Variants in MIPOL1 observed in about 807,000 individuals in gnomAD.
MIPOL1 encodes mirror-image polydactyly 1, also known as mirror-image polydactyly gene 1 protein.
In MIPOL1, 57 loss-of-function variants were observed where a neutral mutation model predicts 60.9. That is an observed-to-expected ratio of 0.94 (90% confidence interval 0.76 to 1.17). The LOEUF is 1.17. Ranked by LOEUF, MIPOL1 falls within the 50% of genes most tolerant of loss-of-function variation. The probability of loss-of-function intolerance (pLI) is 0.00; values close to 1 mark genes in which losing one functional copy is unlikely to be tolerated. For synonymous variants in MIPOL1, 179 were observed against 168.8 expected (o/e 1.06, Z -0.47); for missense variants, 551 against 511.6 (o/e 1.08, Z -0.74).
At chr14:37,361,010 T>TA (rs2092201576) in intron 9 of MIPOL1, among the ~76,000 whole-genome samples, 1 of 152,238 alleles carries the variant, frequency 6.6e-6, no homozygotes, top group South Asian at 2.1e-4. Flanking sequence ...GAGATTCTGT[T>TA]ACGTTGTATC....
chr14:37,238,801 A>AT lies in MIPOL1; in HGVS notation c.-198-8302_-198-8301insT, dbSNP rs1313434147. Among the ~76,000 whole-genome samples the AT allele has an allele frequency of 1.5e-3, 219 of 150,024 alleles. 3 individuals carry two copies. The highest frequency in any genetic ancestry group is 1.9e-3 in the Non-Finnish European group (126 of 67,572). ...CCCACTTCTACAAAAAAAAAAAAAA[A>AT]AAATTAGATGGGTGTGACGGCTCAT... On this transcript the variant is annotated intron_variant, in intron 1 of 12. Coordinates refer to ENST00000684589, the MANE Select transcript of MIPOL1 (RefSeq NM_001388067.1).
rs74045604 is a variant in MIPOL1 at position 37,307,717 on chromosome 14, A to T, written c.624-339A>T. Among the ~76,000 whole-genome samples, 1,326 of 152,196 alleles carry T rather than the reference A, an allele frequency of 8.7e-3. 15 individuals are homozygous for T. Among genetic ancestry groups the T allele is most frequent in the African/African-American group, 0.031 (1,268 of 41,562 alleles). On this transcript the variant is annotated intron_variant, in intron 7 of 12. Coordinates refer to ENST00000684589, the MANE Select transcript of MIPOL1 (RefSeq NM_001388067.1). Reference sequence around the variant, plus strand: ...AAAAAGAGAGGAAATACAGTTTCTGATAAAAATGGAAAGTCCAGGAATAAA... The same window carrying T: ...AAAAAGAGAGGAAATACAGTTTCTGTTAAAAATGGAAAGTCCAGGAATAAA...
intron 1 of MIPOL1, among the ~76,000 whole-genome samples, chr14:37,230,846 GATAATAAT>G (rs79665502): frequency 3.7e-4 from 56 of 152,110 alleles, no homozygotes; most frequent in Non-Finnish European, 8.1e-4. Context: ...CAGCCGATGA[GATAATAAT>G]ATTAAACTTA....
chr14:37,412,213 G>A, intron 10 of MIPOL1, among the ~76,000 whole-genome samples: 1 of 152,086 alleles, frequency 6.6e-6, no homozygotes, highest in Middle Eastern at 3.2e-3. Flanking sequence ...TGTTTTAATT[G>A]TGACATAATA....
Position 37,544,333 on chromosome 14 carries a change from G to A in MIPOL1, c.1263-2572G>A, listed in dbSNP as rs141308295. Among the ~76,000 whole-genome samples, 210 of 152,318 alleles carry A rather than the reference G, an allele frequency of 1.4e-3. 1 individual carries two copies. The highest frequency in any genetic ancestry group is 2.4e-3 in the Non-Finnish European group (160 of 68,024). On this transcript the variant is annotated intron_variant, in intron 12 of 12. Transcript: ENST00000684589. ...GCAAACCCTAGGTGCAGCATTTTTA[G>A]TGACTTTGTCTCCTCCTCCTCACAA...
chr14:37,320,438 A>G (rs1166449231), intron 9 of MIPOL1, among the ~76,000 whole-genome samples: 2 of 151,902 alleles, frequency 1.3e-5, no homozygotes, highest in South Asian at 4.1e-4. Flanking sequence ...TTTTTTGACC[A>G]TTTTGATATC....
At chr14:37,393,737 G>C (rs1022521348) in intron 10 of MIPOL1, among the ~76,000 whole-genome samples, 1 of 151,062 alleles carries the variant, frequency 6.6e-6, no homozygotes, top group Non-Finnish European at 1.5e-5. Flanking sequence ...GGTACAGGTG[G>C]TATTTGGTTA....
At chr14:37,211,855 T>C (rs1469132848) in intron 1 of MIPOL1, among the ~76,000 whole-genome samples, 5 of 151,694 alleles carry the variant, frequency 3.3e-5, no homozygotes, top group South Asian at 2.1e-4. Context: ...GGGAGGACTT[T>C]ATCTTGCATC....
chr14:37,529,400 G>C (rs1042638144), intron 12 of MIPOL1, among the ~76,000 whole-genome samples: 3 of 152,112 alleles, frequency 2.0e-5, no homozygotes, highest in African/African-American at 4.8e-5. Context: ...TTATACTGCT[G>C]GTTTTGAGTT....
intron 10 of MIPOL1, among the ~76,000 whole-genome samples, chr14:37,420,138 C>T (rs146890822): frequency 6.7e-5 from 10 of 149,684 alleles, no homozygotes; most frequent in African/African-American, 1.7e-4. Flanking sequence ...GTGTATAAAG[C>T]GCTATCAATT....
At chr14:37,505,813 T>A (rs2095270318) in intron 12 of MIPOL1, 1 of 152,186 alleles carries the variant, frequency 6.6e-6, no homozygotes, top group South Asian at 2.1e-4. Context: ...GGAAGTCAAA[T>A]TGTCCCTGTT....
At chr14:37,518,633 C>T (rs374192912) in intron 12 of MIPOL1, among the ~76,000 whole-genome samples, 3 of 152,138 alleles carry the variant, frequency 2.0e-5, no homozygotes, top group South Asian at 4.1e-4. Context: ...CCGCAACTGG[C>T]GTGATTTTAA....
chr14:37,492,734 A>T (rs113085605), intron 11 of MIPOL1, among the ~76,000 whole-genome samples: 5 of 151,672 alleles, frequency 3.3e-5, no homozygotes, highest in Non-Finnish European at 7.4e-5. Context: ...TCAACCCAAC[A>T]TCTCTTCATC....
At chr14:37,453,818 C>T (rs534881805) in intron 11 of MIPOL1, among the ~76,000 whole-genome samples, 1 of 152,156 alleles carries the variant, frequency 6.6e-6, no homozygotes, top group Non-Finnish European at 1.5e-5. Context: ...TTTGCAGATG[C>T]ATTCTTTTAT....
rs556180384 is a variant in MIPOL1, at chr14:37,298,147, C to T, written c.624-9909C>T. ...AATAGAGCCCTCAGAAATAATGCCGCATATCTACAACTATCTGATCTTTGA... is the reference window on the plus strand; with the variant it reads ...AATAGAGCCCTCAGAAATAATGCCGTATATCTACAACTATCTGATCTTTGA... On this transcript the variant is annotated intron_variant, in intron 7 of 12. Transcript: ENST00000684589. 3.0e-3 allele frequency among the ~76,000 whole-genome samples: 456 copies of T among 152,248 alleles called. 4 individuals are homozygous for T. The highest frequency in any genetic ancestry group is 0.01 in the African/African-American group (427 of 41,532).
In MIPOL1 at chr14:37,393,686, T is replaced by C. The variant is rs190258277; in HGVS notation, c.936+24062T>C. Among the ~76,000 whole-genome samples the C allele has an allele frequency of 5.9e-3, 900 of 151,920 alleles. 6 individuals are homozygous for C. Among genetic ancestry groups the C allele is most frequent in the Non-Finnish European group, 9.3e-3 (630 of 67,940 alleles). Reference sequence around the variant, plus strand: ...GGCAGGCCAACCTTTTATTTATTTATTTACTTATTTATTTATTTTAATTTT... The same window carrying C: ...GGCAGGCCAACCTTTTATTTATTTACTTACTTATTTATTTATTTTAATTTT... On this transcript the variant is annotated intron_variant, in intron 10 of 12. Coordinates refer to ENST00000684589, the MANE Select transcript of MIPOL1 (RefSeq NM_001388067.1).
chr14:37,341,028 C>T (rs1205344861), intron 9 of MIPOL1, among the ~76,000 whole-genome samples: 2 of 152,178 alleles, frequency 1.3e-5, no homozygotes, highest in African/African-American at 2.4e-5. Context: ...GTCCAGGTAG[C>T]TATACCATAT....
intron 9 of MIPOL1, among the ~76,000 whole-genome samples, chr14:37,329,205 A>G (rs925091680): frequency 1.3e-5 from 2 of 152,166 alleles, no homozygotes; most frequent in South Asian, 2.1e-4. Context: ...CTGGACTTAC[A>G]TATACACATC....
intron 12 of MIPOL1, among the ~76,000 whole-genome samples, chr14:37,521,910 A>AT (rs34333538): frequency 0.19 from 25,049 of 132,648 alleles, 2,543 homozygotes; most frequent in South Asian, 0.27. Flanking sequence ...ATATATATAT[A>AT]TTTTTTTTTT....
Sources: gnomAD v4.1 joint callset for allele counts (sites outside exome capture counted in the v4.1 genomes callset) on GRCh38, gnomAD v4.1.1 for gene constraint, MANE v1.5 for transcripts, NCBI Gene and HGNC (gene_info 2026-07-23, HGNC 2026-07-21) for gene names.